C1orf146: variants seen among roughly 807,000 people sequenced by gnomAD.
C1orf146 encodes chromosome 1 open reading frame 146, also known as protein SPO16 homolog.
C1orf146 carries 22 observed loss-of-function variants against 23.0 expected under a neutral mutation model. The ratio of observed to expected loss-of-function variants is 0.96; its 90% CI spans 0.68 to 1.36. The LOEUF is 1.36. C1orf146 is among the 40% of genes most tolerant of loss of function. The pLI is 0.00. For missense variants in C1orf146, 199 were observed against 206.8 expected (o/e 0.96, Z 0.23); for synonymous variants, 59 against 65.3 (o/e 0.90, Z 0.47).
intron 2 of C1orf146, among the ~76,000 whole-genome samples, chr1:92,235,854 C>T (rs1417628637): frequency 6.6e-6 from 1 of 152,114 alleles, no homozygotes; most frequent in South Asian, 2.1e-4. Flanking sequence ...GATCCCTTTA[C>T]CATTATGTAA....
chr1:92,244,655 G>A (rs1394250989), intron 4 of C1orf146, 124 bp from the exon 5 acceptor site: 5 of 666,994 alleles, frequency 7.5e-6, no homozygotes, highest in Non-Finnish European at 1.3e-5. Context: ...CCTCTGTGGA[G>A]TAAGGCAGGG....
intron 1 of C1orf146, among the ~76,000 whole-genome samples, chr1:92,221,457 C>G (rs985758702): frequency 7.9e-5 from 12 of 152,144 alleles, no homozygotes; most frequent in Non-Finnish European, 1.5e-4. Context: ...TGAAACAAAC[C>G]TGCACATATA....
At position 92,223,301 on chromosome 1, in the gene C1orf146, C is replaced by T. The variant is rs1314437971; in HGVS notation, c.-40+5253C>T. On this transcript the variant is annotated intron_variant, in intron 1 of 5. Transcript: ENST00000370375. Reference sequence around the variant, plus strand: ...GTAGTGTATGAGAGTTCTAGTTCCTCACATCCTCACCAACACTTGATACTG... The same window carrying T: ...GTAGTGTATGAGAGTTCTAGTTCCTTACATCCTCACCAACACTTGATACTG... 5.9e-5 allele frequency among the ~76,000 whole-genome samples: 9 copies of T among 152,152 alleles called. 1 individual carries two copies. The East Asian group carries it at 1.7e-3, about 29-fold the overall frequency.
At chr1:92,242,374 T>C (rs1375534990) in intron 3 of C1orf146, 69 bp downstream of exon 3, 18 of 814,552 alleles carry the variant, frequency 2.2e-5, no homozygotes, top group South Asian at 1.8e-4. Flanking sequence ...AATGACTTCA[T>C]AGTTCAGTAA....
chr1:92,230,378 C>T (rs1165581645), intron 1 of C1orf146, among the ~76,000 whole-genome samples: 8 of 151,720 alleles, frequency 5.3e-5, no homozygotes, highest in East Asian at 1.9e-4. Context: ...TTTGGGAGGC[C>T]GAGGCGGGTG....
intron 5 of C1orf146, 107 bp from the exon 6 acceptor site, chr1:92,245,433 T>A: frequency 4.8e-6 from 4 of 835,280 alleles, no homozygotes; most frequent in Non-Finnish European, 1.9e-6. Flanking sequence ...AGCACAAAGA[T>A]GATCAAGAGA....
chr1:92,235,596 G>T (rs1378736592), intron 2 of C1orf146, among the ~76,000 whole-genome samples: 3 of 152,188 alleles, frequency 2.0e-5, no homozygotes, highest in Non-Finnish European at 2.9e-5. Context: ...GTTGATTTGG[G>T]GTGGAGAGTT....
intron 2 of C1orf146, among the ~76,000 whole-genome samples, chr1:92,238,926 A>G (rs2100745747): frequency 6.6e-6 from 1 of 151,888 alleles, no homozygotes; most frequent in African/African-American, 2.4e-5. Context: ...TTTTTGTTAT[A>G]TTTTTTGTTT....
intron 1 of C1orf146, chr1:92,228,898 G>A (rs575770053): frequency 1.1e-4 from 45 of 407,698 alleles, no homozygotes; most frequent in Non-Finnish European, 1.3e-4. Flanking sequence ...ATTTCTTTTC[G>A]AAGGCTTATT....
At chr1:92,234,244 G>A (rs1243600251) in intron 2 of C1orf146, among the ~76,000 whole-genome samples, 1 of 138,472 alleles carries the variant, frequency 7.2e-6, no homozygotes, top group African/African-American at 2.4e-5. Flanking sequence ...ATTGCCTGTG[G>A]GTTTGTCATA....
chr1:92,224,664 G>T (rs1227230224), intron 1 of C1orf146, among the ~76,000 whole-genome samples: 3 of 152,192 alleles, frequency 2.0e-5, no homozygotes, highest in East Asian at 1.9e-4. Context: ...TCTTTTCAAA[G>T]AACTGTTTTC....
At chr1:92,232,864 G>A (rs1289452272) in intron 2 of C1orf146, among the ~76,000 whole-genome samples, 2 of 152,090 alleles carry the variant, frequency 1.3e-5, no homozygotes, top group Non-Finnish European at 2.9e-5. Flanking sequence ...GGCCAGTGAT[G>A]GTGAGCATTT....
intron 2 of C1orf146, among the ~76,000 whole-genome samples, chr1:92,232,005 G>A (rs1652134466): frequency 6.6e-6 from 1 of 152,136 alleles, no homozygotes; most frequent in Admixed American, 6.5e-5. Context: ...GCTGATGTCT[G>A]GAATGAAGGG....
At chr1:92,235,336 C>T (rs550242973) in intron 2 of C1orf146, among the ~76,000 whole-genome samples, 2,029 of 152,196 alleles carry the variant, frequency 0.013, 45 homozygotes, top group African/African-American at 0.047. Context: ...TTTCAAAGAA[C>T]ATCTTTATTT....
intron 3 of C1orf146, 47 bp from the exon 4 acceptor site, chr1:92,244,170 C>A (rs766060337): frequency 7.4e-6 from 10 of 1,354,396 alleles, no homozygotes; most frequent in Non-Finnish European, 1.0e-5. Context: ...AACAAAATTT[C>A]ATCTCTATAA....
intron 1 of C1orf146, among the ~76,000 whole-genome samples, chr1:92,219,050 G>T (rs1039622552): frequency 2.0e-5 from 3 of 152,296 alleles, no homozygotes; most frequent in Admixed American, 2.0e-4. Context: ...AGGGTGTAAA[G>T]ATTTAAATGA....
At chr1:92,226,203 G>A (rs549520680) in intron 1 of C1orf146, among the ~76,000 whole-genome samples, 5 of 151,998 alleles carry the variant, frequency 3.3e-5, no homozygotes, top group Non-Finnish European at 5.9e-5. Context: ...CGTGTTATAG[G>A]AATATTTTGT....
At chr1:92,236,987 GTTTA>G (rs2100743318) in intron 2 of C1orf146, among the ~76,000 whole-genome samples, 1 of 152,174 alleles carries the variant, frequency 6.6e-6, no homozygotes, top group Non-Finnish European at 1.5e-5. Context: ...TCTCTGTATT[GTTTA>G]TTCTAGTTAT....
At chr1:92,234,098 T>G (rs1652209007) in intron 2 of C1orf146, among the ~76,000 whole-genome samples, 1 of 152,172 alleles carries the variant, frequency 6.6e-6, no homozygotes, top group Non-Finnish European at 1.5e-5. Flanking sequence ...TGAATAGCCT[T>G]TATTTCCTTC....
Sources: allele counts gnomAD v4.1 joint callset (sites outside exome capture counted in the v4.1 genomes callset), GRCh38; gene constraint gnomAD v4.1.1; transcripts MANE v1.5; gene names NCBI Gene and HGNC (gene_info 2026-07-23, HGNC 2026-07-21).